The following ADGRG6 variants were observed in gnomAD, a reference collection of about 807,000 sequenced individuals.
ADGRG6 encodes adhesion G protein-coupled receptor G6.
A neutral mutation model predicts 142.4 loss-of-function variants in ADGRG6; 84 were observed. That is an observed-to-expected ratio of 0.59 (90% CI 0.49 to 0.71). ADGRG6 has a LOEUF of 0.71. ADGRG6 is among the 30% of genes least tolerant of loss of function. The pLI is 0.00. For missense variants in ADGRG6, 1,367 were observed against 1,466.6 expected, an observed-to-expected ratio of 0.93 and a Z score of 1.11; for synonymous variants, 521 against 520.5, an observed-to-expected ratio of 1.00 and a Z score of -0.01.
Position 142,444,128 on chromosome 6 carries a change from C to T in ADGRG6, c.*613C>T, listed in dbSNP as rs1460612919. On this transcript the variant is annotated 3_prime_UTR_variant, in exon 25 of 25. Transcript: ENST00000367609. ...ACCATAACATGCTTAAGAAAACTTTCCCAAAATGTTGACCTAGTTAAATGA... is the reference window on the plus strand; with the variant it reads ...ACCATAACATGCTTAAGAAAACTTTTCCAAAATGTTGACCTAGTTAAATGA... The T allele has an allele frequency of 6.6e-6, 1 of 152,090 alleles. No individual in the cohort carries two copies. Among genetic ancestry groups the T allele is most frequent in the Non-Finnish European group, 1.5e-5 (1 of 68,018 alleles). The allele number at this position is 152,090 out of a possible 1,614,324, so 9.4% of individuals were successfully genotyped here.
chr6:142,430,051 A>AG (rs1777135047), intron 22 of ADGRG6, among the ~76,000 whole-genome samples: 1 of 152,096 alleles, frequency 6.6e-6, no homozygotes, highest in African/African-American at 2.4e-5. Flanking sequence ...ACCTTGTCTC[A>AG]GGGGAAAAAA....
At chr6:142,339,978 G>A (rs115576294) in intron 2 of ADGRG6, among the ~76,000 whole-genome samples, 1,748 of 152,046 alleles carry the variant, frequency 0.011, 39 homozygotes, top group African/African-American at 0.04. Context: ...CTGATAAACT[G>A]GCAAAAAAGC....
chr6:142,372,154 A>G (rs1236598445), intron 4 of ADGRG6, among the ~76,000 whole-genome samples: 2 of 152,224 alleles, frequency 1.3e-5, no homozygotes, highest in East Asian at 3.8e-4. Context: ...TCTCCACCTA[A>G]TATTCTCCAT....
intron 2 of ADGRG6, among the ~76,000 whole-genome samples, chr6:142,354,570 T>A (rs1430721190): frequency 6.6e-6 from 1 of 152,196 alleles, no homozygotes; most frequent in Non-Finnish European, 1.5e-5. Context: ...ATTGATTATT[T>A]GTATAAGACA....
chr6:142,437,436 T>G lies in ADGRG6; in HGVS notation c.3322T>G (p.Leu1108Val), dbSNP rs1777535017. 1.4e-6 allele frequency: 2 copies of G among 1,439,370 alleles called. No individual in the cohort carries two copies. Among genetic ancestry groups the G allele is most frequent in the African/African-American group, 2.8e-5 (2 of 71,414 alleles). The allele number at this position is 1,439,370 out of a possible 1,614,324, so 89.2% of individuals were successfully genotyped here. ...LFSIFNSLQG[L>V]FIFIFHCAMK... ...ATTTATATTTTCTTTTGTCACAGGC[T>G]TATTTATATTCATCTTCCACTGTGC... Residue 1108 changes from leucine (L) to valine (V), a missense_variant and splice_region_variant, in exon 23 of 25, where the codon TTA (leucine) becomes GTA (valine). Coordinates refer to ENST00000367609, the MANE Select transcript of ADGRG6 (RefSeq NM_198569.3).
chr6:142,413,425 A>G (rs929134404), intron 18 of ADGRG6, among the ~76,000 whole-genome samples: 8 of 152,176 alleles, frequency 5.3e-5, no homozygotes, highest in Non-Finnish European at 8.8e-5. Context: ...ACATTTTCAT[A>G]TTGGCTATAT....
intron 2 of ADGRG6, among the ~76,000 whole-genome samples, chr6:142,337,961 T>C (rs1404904906): frequency 6.6e-6 from 1 of 150,978 alleles, no homozygotes; most frequent in African/African-American, 2.4e-5. Context: ...ATATATACTT[T>C]TGTTGAAAAT....
intron 23 of ADGRG6, among the ~76,000 whole-genome samples, 164 bp downstream of exon 23, chr6:142,437,699 C>G (rs1777552226): frequency 6.6e-6 from 1 of 152,022 alleles, no homozygotes. Flanking sequence ...TGGAAGAGAT[C>G]AGAGAACTTT....
rs552959374 is a variant in ADGRG6 at position 142,327,096 on chromosome 6, G to A, written c.103+17452G>A. Among the ~76,000 whole-genome samples the A allele has an allele frequency of 2.0e-5, 3 of 152,064 alleles. No homozygotes were observed. In the East Asian group the frequency reaches 5.8e-4, roughly 29 times the overall value. ...CATCTTGCTCCAGTACTTTGTTTGGGTGTGTATGCTTTATTAATTAAGTTG... is the reference window on the plus strand; with the variant it reads ...CATCTTGCTCCAGTACTTTGTTTGGATGTGTATGCTTTATTAATTAAGTTG... On this transcript the variant is annotated intron_variant, in intron 2 of 24. Transcript: ENST00000367609.
chr6:142,352,500 G>A (rs1780235204), intron 2 of ADGRG6, among the ~76,000 whole-genome samples: 1 of 152,028 alleles, frequency 6.6e-6, no homozygotes, highest in African/African-American at 2.4e-5. Flanking sequence ...GGGTCCAGAG[G>A]CTGCCTCTTG....
At chr6:142,409,399 G>A (rs1407750694) in intron 16 of ADGRG6, among the ~76,000 whole-genome samples, 4 of 152,044 alleles carry the variant, frequency 2.6e-5, no homozygotes, top group African/African-American at 4.8e-5. Context: ...GATTTTGTTT[G>A]TCTATTCCTC....
intron 2 of ADGRG6, among the ~76,000 whole-genome samples, chr6:142,337,534 T>C (rs141612065): frequency 6.6e-6 from 1 of 152,044 alleles, no homozygotes; most frequent in Non-Finnish European, 1.5e-5. Context: ...CAAGGCTTGC[T>C]TTACTCTCGG....
At chr6:142,359,533 A>T (rs1404792573) in intron 2 of ADGRG6, among the ~76,000 whole-genome samples, 3 of 152,146 alleles carry the variant, frequency 2.0e-5, no homozygotes, top group African/African-American at 7.2e-5. Flanking sequence ...CCCAAACTGC[A>T]TATTTACATC....
intron 2 of ADGRG6, among the ~76,000 whole-genome samples, chr6:142,325,211 G>GT (rs1396742558): frequency 1.6e-4 from 24 of 152,134 alleles, no homozygotes; most frequent in African/African-American, 5.3e-4. Context: ...AGGCCATGAA[G>GT]TTTACATCTT....
At position 142,367,563 on chromosome 6, in the gene ADGRG6, C is replaced by T. The variant is rs762533791; in HGVS notation, c.104-6C>T. 2.5e-6 allele frequency: 4 copies of T among 1,609,870 alleles called. No homozygotes were observed. Among genetic ancestry groups the T allele is most frequent in the Admixed American group, 1.7e-5 (1 of 59,766 alleles). ...TCTCTCTGTCTCTCTTTTGTCTGGC[C>T]AGCAGTGTGGGGATGTGCCAACTGC... On this transcript the variant is annotated splice_polypyrimidine_tract_variant and splice_region_variant and intron_variant, in intron 2 of 24. Transcript: ENST00000367609.
In ADGRG6 at chr6:142,336,745, T is replaced by G. The variant is rs150500507; in HGVS notation, c.103+27101T>G. On this transcript the variant is annotated intron_variant, in intron 2 of 24. Coordinates refer to ENST00000367609, the MANE Select transcript of ADGRG6 (RefSeq NM_198569.3). ...ATTACCTTCTTTTATGACACCCTCCTTAGAGGGGTGGTATTATTGTCACTA... is the reference window on the plus strand; with the variant it reads ...ATTACCTTCTTTTATGACACCCTCCGTAGAGGGGTGGTATTATTGTCACTA... Among the ~76,000 whole-genome samples the G allele has an allele frequency of 7.2e-5, 11 of 152,294 alleles. No homozygotes were observed. In the East Asian group the frequency reaches 2.1e-3, roughly 29 times the overall value.
rs574177998 is a variant in ADGRG6, at chr6:142,324,445, A to G, written c.103+14801A>G. ...AGCTGAAAACATTTTTTCCTCTGGC[A>G]TTCCACAAACTTCCCTACCTCCACA... On this transcript the variant is annotated intron_variant, in intron 2 of 24. Transcript: ENST00000367609. Among the ~76,000 whole-genome samples the G allele has an allele frequency of 2.8e-4, 43 of 152,226 alleles. No individual in the cohort carries two copies. In the South Asian group the frequency reaches 5.0e-3, roughly 18 times the overall value.
intron 2 of ADGRG6, among the ~76,000 whole-genome samples, chr6:142,354,068 C>A (rs1376520142): frequency 6.6e-6 from 1 of 152,206 alleles, no homozygotes; most frequent in East Asian, 1.9e-4. Flanking sequence ...GAAACTTAGA[C>A]TTGTGTCCAA....
At chr6:142,338,484 A>G (rs1031956514) in intron 2 of ADGRG6, among the ~76,000 whole-genome samples, 1 of 150,304 alleles carries the variant, frequency 6.7e-6, no homozygotes, top group African/African-American at 2.4e-5. Context: ...TAAATATTGT[A>G]TATTTAATTA....
Sources: allele counts gnomAD v4.1 joint callset (sites outside exome capture counted in the v4.1 genomes callset), GRCh38; gene constraint gnomAD v4.1.1; transcripts MANE v1.5; gene names NCBI Gene and HGNC (gene_info 2026-07-23, HGNC 2026-07-21).